The following GPC3 variants were observed in gnomAD, a reference collection of about 807,000 sequenced individuals.
The protein encoded by GPC3 is glypican-3.
A neutral mutation model predicts 34.4 loss-of-function variants in GPC3; 3 were observed. The observed-to-expected ratio is 0.09, with a 90% confidence interval of 0.04 to 0.23. The LOEUF (loss-of-function observed/expected upper bound fraction) is 0.23. Ranked by LOEUF, GPC3 falls within the 10% of genes least tolerant of loss-of-function variation. The probability of loss-of-function intolerance (pLI) is 1.00; values close to 1 mark genes in which losing one functional copy is unlikely to be tolerated. For missense variants in GPC3, 351 were observed against 445.6 expected, an observed-to-expected ratio of 0.79 and a Z score of 1.91; for synonymous variants, 177 against 174.0, an observed-to-expected ratio of 1.02 and a Z score of -0.13.
chrX:133,551,701 A>G (rs2069435168), intron 7 of GPC3, among the ~76,000 whole-genome samples: 1 of 111,665 alleles, frequency 9.0e-6, no homozygotes, highest in African/African-American at 3.3e-5. Context: ...CTTTTAGAAG[A>G]GATTCCAGTA....
intron 7 of GPC3, among the ~76,000 whole-genome samples, chrX:133,583,553 CG>C: frequency 9.0e-6 from 1 of 110,611 alleles, no homozygotes; most frequent in East Asian, 2.9e-4. Flanking sequence ...TTAGTAGAGA[CG>C]GGATGTTGCC....
At chrX:133,697,489 A>T (rs965700269) in intron 4 of GPC3, among the ~76,000 whole-genome samples, 2 of 111,314 alleles carry the variant, frequency 1.8e-5, no homozygotes, top group Non-Finnish European at 3.8e-5. Context: ...CTCAAAAGTT[A>T]CCTTTTCCAA....
intron 7 of GPC3, among the ~76,000 whole-genome samples, chrX:133,585,807 T>A (rs2069782971): frequency 8.9e-6 from 1 of 112,197 alleles, no homozygotes; most frequent in African/African-American, 3.2e-5. Context: ...GAGGCTGTCA[T>A]AAAACTGGCC....
intron 2 of GPC3, among the ~76,000 whole-genome samples, chrX:133,794,754 G>C (rs2075569708): frequency 8.9e-6 from 1 of 112,084 alleles, no homozygotes; most frequent in African/African-American, 3.2e-5. Context: ...GCTACTAAGT[G>C]GCTGAAGATG....
intron 6 of GPC3, among the ~76,000 whole-genome samples, chrX:133,620,996 T>C (rs954666016): frequency 9.0e-6 from 1 of 111,270 alleles, no homozygotes; most frequent in Non-Finnish European, 1.9e-5. Flanking sequence ...ATTCTCAGGA[T>C]CCCCTGAGGG....
intron 7 of GPC3, among the ~76,000 whole-genome samples, chrX:133,541,388 T>C (rs1322664605): frequency 8.9e-6 from 1 of 112,309 alleles, no homozygotes; most frequent in African/African-American, 3.2e-5. Context: ...TTTATGTTTA[T>C]CAGTGATTTT....
intron 2 of GPC3, among the ~76,000 whole-genome samples, chrX:133,901,512 C>T (rs1317850871): frequency 9.0e-6 from 1 of 111,336 alleles, no homozygotes; most frequent in East Asian, 2.8e-4. Flanking sequence ...ACGGTCTCGG[C>T]TCACTGCAAC....
chrX:133,799,617 T>C (rs953584805), intron 2 of GPC3, among the ~76,000 whole-genome samples: 2 of 111,475 alleles, frequency 1.8e-5, no homozygotes, highest in African/African-American at 6.5e-5. Context: ...ATTCCCTTTT[T>C]TGTACTCCCT....
intron 2 of GPC3, among the ~76,000 whole-genome samples, chrX:133,925,823 T>G (rs1054460235): frequency 9.0e-6 from 1 of 111,407 alleles, no homozygotes; most frequent in Non-Finnish European, 1.9e-5. Flanking sequence ...GTACCACAAT[T>G]TAGAAGGATA....
At chrX:133,671,572 T>C (rs758266786) in intron 5 of GPC3, among the ~76,000 whole-genome samples, 1 of 112,405 alleles carries the variant, frequency 8.9e-6, no homozygotes, top group South Asian at 3.7e-4. Context: ...AGTACCTGTG[T>C]TCTCCAACAA....
chrX:133,839,838 G>T (rs1371442475), intron 2 of GPC3, among the ~76,000 whole-genome samples: 5 of 104,027 alleles, frequency 4.8e-5, no homozygotes, highest in Non-Finnish European at 9.7e-5. Context: ...TGAGGCAGGA[G>T]AATGGCGTGA....
chrX:133,962,539 G>T (rs1461865053), intron 1 of GPC3, among the ~76,000 whole-genome samples: 3 of 111,722 alleles, frequency 2.7e-5, no homozygotes, highest in Non-Finnish European at 5.6e-5. Flanking sequence ...TGATTATTTA[G>T]ATGAGGGGAA....
intron 3 of GPC3, among the ~76,000 whole-genome samples, chrX:133,712,740 C>T (rs987467159): frequency 9.5e-6 from 1 of 104,750 alleles, no homozygotes; most frequent in Non-Finnish European, 1.9e-5. Context: ...AAAAAATTAG[C>T]CAGGCTTGGT....
chrX:133,697,362 T>C (rs1418410278), intron 4 of GPC3, among the ~76,000 whole-genome samples: 1 of 111,885 alleles, frequency 8.9e-6, no homozygotes, highest in African/African-American at 3.2e-5. Context: ...AAACTAGAGC[T>C]TTCTACCATT....
intron 2 of GPC3, among the ~76,000 whole-genome samples, chrX:133,827,817 T>C (rs1160328715): frequency 2.8e-5 from 3 of 107,378 alleles, no homozygotes; most frequent in East Asian, 2.9e-4. Flanking sequence ...TGGTGGTGCA[T>C]ACCTGTAACC....
At chrX:133,753,140 G>A (rs1420648820) in intron 3 of GPC3, among the ~76,000 whole-genome samples, 1 of 111,904 alleles carries the variant, frequency 8.9e-6, no homozygotes, top group African/African-American at 3.2e-5. Flanking sequence ...AACATTTATC[G>A]AAGACTTACC....
intron 7 of GPC3, among the ~76,000 whole-genome samples, chrX:133,542,752 AGAGGCT>A (rs759442322): frequency 2.3e-4 from 26 of 111,842 alleles, no homozygotes; most frequent in Non-Finnish European, 4.3e-4. Flanking sequence ...GGCAACCCCC[AGAGGCT>A]GAAGCTGGGG....
intron 2 of GPC3, among the ~76,000 whole-genome samples, chrX:133,767,601 A>C (rs187688433): frequency 1.6e-4 from 18 of 111,302 alleles, no homozygotes; most frequent in Non-Finnish European, 2.1e-4. Context: ...GTATTCCAAC[A>C]CATGAAACAC....
chrX:133,743,169 C>T (rs1259449733), intron 3 of GPC3, among the ~76,000 whole-genome samples: 1 of 112,938 alleles, frequency 8.9e-6, no homozygotes, highest in Non-Finnish European at 1.9e-5. Flanking sequence ...ACTCAGCACT[C>T]AGAAAATTGT....
Sources: allele counts gnomAD v4.1 joint callset (sites outside exome capture counted in the v4.1 genomes callset), GRCh38; gene constraint gnomAD v4.1.1; transcripts MANE v1.5; gene names NCBI Gene and HGNC (gene_info 2026-07-23, HGNC 2026-07-21).